ABCB7: variants seen among roughly 807,000 people sequenced by gnomAD.
ABCB7 encodes the protein iron-sulfur clusters transporter ABCB7, mitochondrial.
A neutral mutation model predicts 54.4 loss-of-function variants in ABCB7; 7 were observed. The observed-to-expected ratio is 0.13, with a 90% CI of 0.07 to 0.24. The LOEUF is 0.24. Among genes scored for constraint, ABCB7 ranks in the 10% least tolerant of loss-of-function variants. The pLI is 1.00. For synonymous variants in ABCB7, 218 were observed against 207.1 expected (o/e 1.05, Z -0.45); for missense variants, 356 against 570.4 (o/e 0.62, Z 3.83).
Position 75,075,439 on chromosome X carries a change from T to C in ABCB7, c.778A>G (p.Ile260Val). Reference sequence around the variant, plus strand: ...ACCAAAGCACTCAGGACAAAACTGATACCCCTTGTTCCTCTGTCAATAGCC... The same window carrying C: ...ACCAAAGCACTCAGGACAAAACTGACACCCCTTGTTCCTCTGTCAATAGCC... ...SKAIDRGTRG[I>V]SFVLSALVFN... Residue 260 changes from isoleucine (I) to valine (V), a missense_variant, in exon 6 of 16, where the codon ATC becomes GTC. By Grantham distance (29) the Ile-to-Val change is conservative. Coordinates refer to ENST00000373394, the MANE Select transcript of ABCB7 (RefSeq NM_001271696.3). 2.5e-6 allele frequency: 3 copies of C among 1,210,795 alleles called. No individual in the cohort carries two copies. The highest frequency in any genetic ancestry group is 3.4e-6 in the Non-Finnish European group (3 of 894,507).
chrX:75,156,189 G>A lies in ABCB7; in HGVS notation c.84C>T (p.Ile28=). 2 of 1,206,108 alleles carry A rather than the reference G, an allele frequency of 1.7e-6. No homozygotes were observed. The highest frequency in any genetic ancestry group is 3.6e-5 in the South Asian group (2 of 55,827). Reference sequence around the variant, plus strand: ...AGCCGCTAACAGAGACTAAAGGCCGGATCAGAATCGCGGAGTGCCGGCGCT... The same window carrying A: ...AGCCGCTAACAGAGACTAAAGGCCGAATCAGAATCGCGGAGTGCCGGCGCT... ...FEKRRHSAIL[I]RPLVSVSGSG... is the part of the protein sequence containing the mutation. Residue 28 remains isoleucine (I), a synonymous_variant, in exon 1 of 16, where the codon ATC becomes ATT. Transcript: ENST00000373394.
At chrX:75,098,146 T>C (rs1218489589) in intron 4 of ABCB7, among the ~76,000 whole-genome samples, 5 of 109,915 alleles carry the variant, frequency 4.5e-5, no homozygotes, top group African/African-American at 1.7e-4. Context: ...CCATCTCTAC[T>C]AAAAATACAA....
chrX:75,059,619 T>TA (rs1437779813), intron 15 of ABCB7, among the ~76,000 whole-genome samples: 4 of 111,040 alleles, frequency 3.6e-5, no homozygotes, highest in Non-Finnish European at 7.6e-5. Context: ...AAGAGGTCCT[T>TA]ACAGAAAGAA....
chrX:75,130,019 G>C (rs771476433), intron 1 of ABCB7, among the ~76,000 whole-genome samples: 2 of 111,199 alleles, frequency 1.8e-5, no homozygotes, highest in East Asian at 5.6e-4. Context: ...ATTTGTTCAA[G>C]TTCATACAGC....
intron 1 of ABCB7, among the ~76,000 whole-genome samples, chrX:75,154,282 T>G (rs5981780): frequency 0.013 from 1,452 of 111,693 alleles, 17 homozygotes; most frequent in African/African-American, 0.045. Context: ...AAATTTGTAT[T>G]GCCATTGCCT....
chrX:75,098,894 A>G (rs1159971326), intron 4 of ABCB7, 48 bp downstream of exon 4: 1 of 1,207,251 alleles, frequency 8.3e-7, no homozygotes, highest in Admixed American at 2.2e-5. Flanking sequence ...TAACTAGAAA[A>G]TGTAGTATTT....
chrX:75,156,138 T>C lies in ABCB7; in HGVS notation c.135A>G (p.Gln45=), dbSNP rs753770195. 24 of 1,209,362 alleles carry C rather than the reference T, an allele frequency of 2.0e-5. No homozygotes were observed. Among genetic ancestry groups the C allele is most frequent in the Non-Finnish European group, 2.0e-5 (18 of 894,509 alleles). ...CTCGAGCGGTTCCCAAGGCGCCGAG[T>C]TGATGTGGCCTCCACTGCGGACCTG... The part of the protein sequence containing the change: ...SGSGPQWRPH[Q]LGALGTARAY... Residue 45 remains glutamine (Q), a synonymous_variant, in exon 1 of 16, where the codon CAA becomes CAG. Transcript: ENST00000373394.
At chrX:75,110,071 G>A (rs186476486) in intron 3 of ABCB7, among the ~76,000 whole-genome samples, 1 of 111,973 alleles carries the variant, frequency 8.9e-6, no homozygotes, top group African/African-American at 3.2e-5. Flanking sequence ...TTCAGGGTTT[G>A]TTTTCCGAGC....
rs755369406 is a variant in ABCB7 at position 75,065,197 on chromosome X, A to G, written c.1704T>C (p.Tyr568=). The G allele has an allele frequency of 5.8e-5, 70 of 1,209,667 alleles. No homozygotes were observed. Among genetic ancestry groups the G allele is most frequent in the Non-Finnish European group, 7.5e-5 (67 of 893,773 alleles). ...FHNTIYYNLL[Y]GNISASPEEV... Reference sequence around the variant, plus strand: ...CCTCAGGTGAAGCACTGATGTTTCCATATAAGAGGTTGTAATAAATAGTAT... The same window carrying G: ...CCTCAGGTGAAGCACTGATGTTTCCGTATAAGAGGTTGTAATAAATAGTAT... The change falls in exon 13 of 16, where the codon TAT becomes TAC. Residue 568 remains tyrosine (Y), a synonymous_variant. Coordinates refer to ENST00000373394, the MANE Select transcript of ABCB7 (RefSeq NM_001271696.3).
chrX:75,149,742 G>A (rs1175724451), intron 1 of ABCB7, among the ~76,000 whole-genome samples: 5 of 111,344 alleles, frequency 4.5e-5, no homozygotes, highest in Admixed American at 3.8e-4. Context: ...TAGGAGTTCA[G>A]AGGAGGGAGA....
chrX:75,136,734 A>C (rs754265587), intron 1 of ABCB7, among the ~76,000 whole-genome samples: 1 of 112,022 alleles, frequency 8.9e-6, no homozygotes, highest in Non-Finnish European at 1.9e-5. Flanking sequence ...ATAAAGCTGC[A>C]CACCAACAGC....
intron 15 of ABCB7, among the ~76,000 whole-genome samples, 177 bp downstream of exon 15, chrX:75,060,046 T>C (rs1349685362): frequency 8.9e-6 from 1 of 112,150 alleles, no homozygotes; most frequent in Non-Finnish European, 1.9e-5. Context: ...TGAGTTAATA[T>C]ACTTTATTCC....
At chrX:75,118,399 T>C (rs2081843063) in intron 1 of ABCB7, among the ~76,000 whole-genome samples, 1 of 97,836 alleles carries the variant, frequency 1.0e-5, no homozygotes. Flanking sequence ...TTAAAAGGCC[T>C]TTTTTTTTTT....
At chrX:75,126,290 C>A (rs2081926810) in intron 1 of ABCB7, among the ~76,000 whole-genome samples, 1 of 111,979 alleles carries the variant, frequency 8.9e-6, no homozygotes, top group Non-Finnish European at 1.9e-5. Context: ...ATAGTTTACA[C>A]TCTAAAACTG....
At chrX:75,098,328 A>G (rs1482602831) in intron 4 of ABCB7, among the ~76,000 whole-genome samples, 2 of 110,080 alleles carry the variant, frequency 1.8e-5, no homozygotes, top group South Asian at 3.9e-4. Flanking sequence ...AAAAAGAAAA[A>G]AAAATCTGAG....
chrX:75,055,494 C>A (rs1734596696), intron 15 of ABCB7, among the ~76,000 whole-genome samples: 2 of 99,399 alleles, frequency 2.0e-5, no homozygotes, highest in Non-Finnish European at 4.0e-5. Flanking sequence ...ATTGCTTGAG[C>A]CCAGGAGTTT....
intron 3 of ABCB7, among the ~76,000 whole-genome samples, chrX:75,107,152 T>C (rs754095613): frequency 1.8e-5 from 2 of 111,407 alleles, no homozygotes; most frequent in Admixed American, 9.5e-5. Context: ...ACTCAGCTGA[T>C]GCCCGTCGGC....
intron 4 of ABCB7, among the ~76,000 whole-genome samples, chrX:75,090,603 T>C (rs1385395857): frequency 1.9e-5 from 2 of 105,094 alleles, no homozygotes; most frequent in East Asian, 5.8e-4. Context: ...GCAAAAAAAG[T>C]GCAAATTAAA....
intron 14 of ABCB7, among the ~76,000 whole-genome samples, chrX:75,060,776 T>C (rs2081276724): frequency 9.0e-6 from 1 of 111,719 alleles, no homozygotes; most frequent in Non-Finnish European, 1.9e-5. Flanking sequence ...TATAGGAACA[T>C]TTGCTTTTCC....
Sources: allele counts gnomAD v4.1 joint callset (sites outside exome capture counted in the v4.1 genomes callset), GRCh38; gene constraint gnomAD v4.1.1; transcripts MANE v1.5; gene names NCBI Gene and HGNC (gene_info 2026-07-23, HGNC 2026-07-21).